Variants in PCDH15 observed in about 807,000 individuals in gnomAD.
PCDH15 encodes protocadherin related 15.
Under a neutral mutation model 178.5 loss-of-function variants are expected in PCDH15, and 129 were observed. The observed-to-expected ratio is 0.72, with a 90% CI of 0.63 to 0.84. PCDH15 has a LOEUF of 0.84. PCDH15 is among the 40% of genes least tolerant of loss of function. PCDH15 has a pLI of 0.00. For synonymous variants in PCDH15, 800 were observed against 732.0 expected (o/e 1.09, Z -1.50); for missense variants, 2,230 against 2,099.9 (o/e 1.06, Z -1.21).
At chr10:55,595,672 T>A (rs1331918459) in intron 2 of PCDH15, among the ~76,000 whole-genome samples, 1 of 152,108 alleles carries the variant, frequency 6.6e-6, no homozygotes, top group Non-Finnish European at 1.5e-5. Flanking sequence ...GTCACGGCAA[T>A]TTTTTCTGAC....
intron 25 of PCDH15, among the ~76,000 whole-genome samples, chr10:53,937,747 C>G (rs2134042573): frequency 6.6e-6 from 1 of 152,210 alleles, no homozygotes; most frequent in Admixed American, 6.5e-5. Context: ...AAAATTCTGT[C>G]CTGCATCTTC....
chr10:54,595,388 A>G (rs1402371248), intron 2 of PCDH15, among the ~76,000 whole-genome samples: 5 of 152,204 alleles, frequency 3.3e-5, no homozygotes, highest in Admixed American at 3.3e-4. Flanking sequence ...GTGACTGAAC[A>G]CAGCTTATAC....
chr10:55,545,358 C>T (rs2132080997), intron 2 of PCDH15, among the ~76,000 whole-genome samples: 1 of 151,988 alleles, frequency 6.6e-6, no homozygotes, highest in South Asian at 2.1e-4. Flanking sequence ...TCACTGCAAC[C>T]TCCGCCTCCC....
At chr10:55,591,489 T>TA (rs979659238) in intron 2 of PCDH15, among the ~76,000 whole-genome samples, 12 of 151,464 alleles carry the variant, frequency 7.9e-5, no homozygotes, top group African/African-American at 2.7e-4. Flanking sequence ...TTTCAGTATT[T>TA]AAAAAAAAGG....
intron 2 of PCDH15, among the ~76,000 whole-genome samples, chr10:55,067,713 T>C (rs749104559): frequency 5.3e-5 from 8 of 151,408 alleles, no homozygotes; most frequent in Non-Finnish European, 7.4e-5. Flanking sequence ...ACCAACAGTG[T>C]ATAAGAGTCT....
intron 28 of PCDH15, among the ~76,000 whole-genome samples, chr10:53,854,418 T>A (rs1002777550): frequency 6.6e-6 from 1 of 152,062 alleles, no homozygotes; most frequent in Non-Finnish European, 1.5e-5. Context: ...CTATGTTTTT[T>A]AATCACAACA....
At chr10:55,358,234 C>T (rs913327438) in intron 2 of PCDH15, among the ~76,000 whole-genome samples, 4 of 151,992 alleles carry the variant, frequency 2.6e-5, no homozygotes, top group African/African-American at 9.7e-5. Flanking sequence ...TTAGAGGAAA[C>T]ATTTTGTATG....
At chr10:53,885,552 T>C (rs1475636398) in intron 26 of PCDH15, among the ~76,000 whole-genome samples, 1 of 152,192 alleles carries the variant, frequency 6.6e-6, no homozygotes, top group African/African-American at 2.4e-5. Flanking sequence ...TTATTTTTTC[T>C]TAAGCTTACC....
chr10:55,412,315 TA>T (rs1443719823), intron 2 of PCDH15, among the ~76,000 whole-genome samples: 2 of 151,984 alleles, frequency 1.3e-5, no homozygotes, highest in East Asian at 3.9e-4. Context: ...TTTTCCTTTT[TA>T]AAAAAACCTC....
chr10:53,989,174 A>G (rs569804464), intron 21 of PCDH15, among the ~76,000 whole-genome samples: 1 of 152,184 alleles, frequency 6.6e-6, no homozygotes, highest in Non-Finnish European at 1.5e-5. Context: ...TACTAAAGTT[A>G]GGCTTTTAGT....
chr10:55,434,315 C>G (rs968844761), intron 2 of PCDH15, among the ~76,000 whole-genome samples: 1 of 151,832 alleles, frequency 6.6e-6, no homozygotes, highest in Non-Finnish European at 1.5e-5. Context: ...CTTGGCCTCC[C>G]AAAGTGCTGG....
At chr10:55,525,490 C>T (rs1009139428) in intron 2 of PCDH15, among the ~76,000 whole-genome samples, 12 of 151,750 alleles carry the variant, frequency 7.9e-5, no homozygotes, top group African/African-American at 2.4e-4. Flanking sequence ...AAATTGTTCA[C>T]TTCTCATATA....
At chr10:54,863,813 G>A (rs1191512107) in intron 3 of PCDH15, among the ~76,000 whole-genome samples, 1 of 152,194 alleles carries the variant, frequency 6.6e-6, no homozygotes, top group African/African-American at 2.4e-5. Flanking sequence ...CATAAGGAAA[G>A]CAGTGAAGTT....
chr10:54,231,253 C>A (rs1215428034), intron 9 of PCDH15, among the ~76,000 whole-genome samples: 2 of 152,184 alleles, frequency 1.3e-5, no homozygotes, highest in African/African-American at 4.8e-5. Context: ...CTAGCCATGG[C>A]TACATGGCCC....
At chr10:54,449,780 T>G (rs2076353554) in intron 3 of PCDH15, among the ~76,000 whole-genome samples, 1 of 151,794 alleles carries the variant, frequency 6.6e-6, no homozygotes, top group African/African-American at 2.4e-5. Context: ...ATGCAAATAC[T>G]AGGCCATTTT....
At chr10:54,472,969 A>C (rs1238238108) in intron 3 of PCDH15, among the ~76,000 whole-genome samples, 1 of 152,142 alleles carries the variant, frequency 6.6e-6, no homozygotes, top group African/African-American at 2.4e-5. Flanking sequence ...TTTAGAGTAA[A>C]AAATTGTTGA....
At position 55,252,279 on chromosome 10, in the gene PCDH15, C is replaced by T. The variant is rs74139503; in HGVS notation, c.-156+67320G>A. On this transcript the variant is annotated intron_variant, in intron 1 of 5. Transcript: ENST00000458638. ...TCTCGGGCAACAGATTACACCCTAC[C>T]CAAATAGGAGTGCAAATAAAAAGCT... 9.2e-3 allele frequency among the ~76,000 whole-genome samples: 1,395 copies of T among 152,124 alleles called. 15 individuals are homozygous for T. Among genetic ancestry groups the T allele is most frequent in the African/African-American group, 0.032 (1,319 of 41,518 alleles).
intron 2 of PCDH15, among the ~76,000 whole-genome samples, chr10:54,549,070 T>C (rs892833253): frequency 2.0e-5 from 3 of 151,932 alleles, no homozygotes. Flanking sequence ...TTTAATATTA[T>C]TTATTTGGCT....
At chr10:55,253,727 G>C (rs975879303) in intron 1 of PCDH15, among the ~76,000 whole-genome samples, 1 of 152,054 alleles carries the variant, frequency 6.6e-6, no homozygotes, top group Admixed American at 6.6e-5. Flanking sequence ...ACTGAAGTAT[G>C]CTGATTGATC....
Sources: gnomAD v4.1 joint callset for allele counts (sites outside exome capture counted in the v4.1 genomes callset) on GRCh38, gnomAD v4.1.1 for gene constraint, MANE v1.5 for transcripts, NCBI Gene and HGNC (gene_info 2026-07-23, HGNC 2026-07-21) for gene names.